The following TRHDE variants were observed in gnomAD, a reference collection of about 807,000 sequenced individuals.
TRHDE encodes thyrotropin releasing hormone degrading enzyme, also known as thyrotropin-releasing hormone-degrading ectoenzyme.
In TRHDE, 72 loss-of-function variants were observed where a neutral mutation model predicts 125.7. The observed-to-expected ratio is 0.57, with a 90% confidence interval of 0.47 to 0.70. TRHDE has a LOEUF of 0.70. Among genes scored for constraint, TRHDE ranks in the 30% least tolerant of loss-of-function variants. The pLI is 0.00. For missense variants in TRHDE, 1,110 were observed against 1,327.1 expected, an observed-to-expected ratio of 0.84 and a Z score of 2.54; for synonymous variants, 509 against 509.1, an observed-to-expected ratio of 1.00 and a Z score of 0.00.
chr12:72,099,905 T>C (rs1480832296), intron 1 of TRHDE, among the ~76,000 whole-genome samples: 3 of 152,206 alleles, frequency 2.0e-5, no homozygotes, highest in Non-Finnish European at 4.4e-5. Context: ...TAACAAGATA[T>C]GTTCTGAAAG....
chr12:72,244,536 G>C (rs1878539210), intron 2 of TRHDE, among the ~76,000 whole-genome samples: 1 of 146,406 alleles, frequency 6.8e-6, no homozygotes, highest in African/African-American at 2.4e-5. Flanking sequence ...TTTTTTGTTT[G>C]CTAATTATAC....
chr12:72,580,202 C>T (rs889071046), intron 12 of TRHDE, among the ~76,000 whole-genome samples: 2 of 152,102 alleles, frequency 1.3e-5, no homozygotes, highest in African/African-American at 2.4e-5. Context: ...ATTCAGGTCC[C>T]AAAGTTAAGC....
intron 2 of TRHDE, among the ~76,000 whole-genome samples, chr12:72,171,579 A>G (rs1290704377): frequency 6.6e-6 from 1 of 152,142 alleles, no homozygotes; most frequent in Non-Finnish European, 1.5e-5. Flanking sequence ...GTCCTGGTCC[A>G]TTTCTGAGGG....
intron 2 of TRHDE, chr12:72,263,454 C>T (rs1278035671): frequency 6.6e-6 from 1 of 151,660 alleles, no homozygotes; most frequent in East Asian, 1.9e-4. Flanking sequence ...AAAAACAGGA[C>T]TTGTTCTGTG....
At chr12:72,516,537 A>C (rs1371378326) in intron 6 of TRHDE, among the ~76,000 whole-genome samples, 1 of 152,116 alleles carries the variant, frequency 6.6e-6, no homozygotes, top group Non-Finnish European at 1.5e-5. Flanking sequence ...GCTTAAGGAG[A>C]CTTTGGGCTG....
intron 2 of TRHDE, among the ~76,000 whole-genome samples, chr12:72,130,086 G>C (rs539356864): frequency 1.3e-5 from 2 of 152,136 alleles, no homozygotes; most frequent in African/African-American, 4.8e-5. Context: ...CGGATCATGA[G>C]GTCAGGAGTT....
intron 2 of TRHDE, among the ~76,000 whole-genome samples, chr12:72,184,885 C>T (rs1038128605): frequency 1.3e-5 from 2 of 152,196 alleles, no homozygotes; most frequent in Admixed American, 6.5e-5. Context: ...TGGCAGTCCT[C>T]AGAGCCCTCG....
intron 2 of TRHDE, among the ~76,000 whole-genome samples, chr12:72,158,385 A>G (rs2139326699): frequency 6.6e-6 from 1 of 151,618 alleles, no homozygotes; most frequent in South Asian, 2.1e-4. Flanking sequence ...TATATATTAT[A>G]TATATCTTTC....
intron 1 of TRHDE, among the ~76,000 whole-genome samples, chr12:72,089,542 C>T (rs527423451): frequency 1.3e-5 from 2 of 152,298 alleles, no homozygotes; most frequent in East Asian, 3.9e-4. Context: ...ACAATTTTCT[C>T]AGTGTAAAAT....
chr12:72,432,586 A>G (rs1222207944), intron 3 of TRHDE, among the ~76,000 whole-genome samples: 1 of 151,944 alleles, frequency 6.6e-6, no homozygotes, highest in Admixed American at 6.6e-5. Flanking sequence ...TTTTCCCTAT[A>G]GTTTTTCCCA....
At chr12:72,589,390 A>G (rs967104805) in intron 12 of TRHDE, among the ~76,000 whole-genome samples, 1 of 151,886 alleles carries the variant, frequency 6.6e-6, no homozygotes, top group African/African-American at 2.4e-5. Flanking sequence ...CAGAACATGC[A>G]GGTTTGTTAC....
chr12:72,495,060 GTTTTTTTTT>G (rs751243542), intron 5 of TRHDE, among the ~76,000 whole-genome samples: 6 of 58,390 alleles, frequency 1.0e-4, no homozygotes, highest in East Asian at 7.0e-4. Context: ...TTCCTCCCCC[GTTTTTTTTT>G]TTTTTTTTTT....
At chr12:72,461,615 A>C (rs1469368844) in intron 3 of TRHDE, among the ~76,000 whole-genome samples, 1 of 150,686 alleles carries the variant, frequency 6.6e-6, no homozygotes, top group African/African-American at 2.4e-5. Flanking sequence ...TCAAAATACA[A>C]CTTTTTTTTT....
chr12:72,173,373 G>C (rs1485740827), intron 2 of TRHDE, among the ~76,000 whole-genome samples: 1 of 152,086 alleles, frequency 6.6e-6, no homozygotes, highest in Non-Finnish European at 1.5e-5. Context: ...CTGACTAAAG[G>C]TTTCACTTAA....
At chr12:72,546,792 T>G (rs1483262597) in intron 7 of TRHDE, among the ~76,000 whole-genome samples, 1 of 151,656 alleles carries the variant, frequency 6.6e-6, no homozygotes, top group Admixed American at 6.6e-5. Flanking sequence ...TTGGGTTTCA[T>G]AGGGAAGTAA....
chr12:72,508,696 T>G (rs1334316419), intron 6 of TRHDE, among the ~76,000 whole-genome samples: 2 of 152,168 alleles, frequency 1.3e-5, no homozygotes, highest in Non-Finnish European at 2.9e-5. Flanking sequence ...TTTAGGGGAC[T>G]GCTGGGAAAG....
intron 8 of TRHDE, among the ~76,000 whole-genome samples, chr12:72,562,521 T>A (rs1870227819): frequency 1.3e-5 from 2 of 152,054 alleles, no homozygotes; most frequent in Admixed American, 6.5e-5. Flanking sequence ...ATTGAAGTTT[T>A]AAATAATTTT....
At chr12:72,370,883 C>T (rs565895897) in intron 2 of TRHDE, among the ~76,000 whole-genome samples, 1 of 152,160 alleles carries the variant, frequency 6.6e-6, no homozygotes, top group Non-Finnish European at 1.5e-5. Context: ...GCTGGGATTA[C>T]AGGCATGCAC....
chr12:72,670,519 AAAAT>A lies in TRHDE; in HGVS notation c.*7331_*7334del, dbSNP rs1416525865. 1 of 151,748 alleles carries A rather than the reference AAAAT, an allele frequency of 6.6e-6. No individual in the cohort carries two copies. The highest frequency in any genetic ancestry group is 1.5e-5 in the Non-Finnish European group (1 of 67,806). The allele number at this position is 151,748 out of a possible 1,614,324, so 9.4% of individuals were successfully genotyped here. ...AATTTTCTGACATGCAGATAAGGCC[AAAAT>A]AAATAATACCATCTGTTTTTTTCAC... On this transcript the variant is annotated 3_prime_UTR_variant, in exon 19 of 19. Coordinates refer to ENST00000261180, the MANE Select transcript of TRHDE (RefSeq NM_013381.3).
Sources: gnomAD v4.1 joint callset for allele counts (sites outside exome capture counted in the v4.1 genomes callset) on GRCh38, gnomAD v4.1.1 for gene constraint, MANE v1.5 for transcripts, NCBI Gene and HGNC (gene_info 2026-07-23, HGNC 2026-07-21) for gene names.